Variants in ZNF704 observed in about 807,000 individuals in gnomAD.
The protein encoded by ZNF704 is zinc finger protein 704, also known as glucocorticoid induced gene 1.
A neutral mutation model predicts 44.7 loss-of-function variants in ZNF704; 10 were observed. The ratio of observed to expected loss-of-function variants is 0.22; its 90% CI spans 0.14 to 0.38. The LOEUF (loss-of-function observed/expected upper bound fraction) is 0.38. Among genes scored for constraint, ZNF704 ranks in the 10% least tolerant of loss-of-function variants. The pLI is 1.00. For synonymous variants in ZNF704, 211 were observed against 207.6 expected, an observed-to-expected ratio of 1.02 and a Z score of -0.14; for missense variants, 390 against 545.5, an observed-to-expected ratio of 0.71 and a Z score of 2.84.
At chr8:80,810,141 C>T (rs1226553772) in intron 2 of ZNF704, among the ~76,000 whole-genome samples, 2 of 152,112 alleles carry the variant, frequency 1.3e-5, no homozygotes, top group Non-Finnish European at 2.9e-5. Context: ...GTATACACTC[C>T]CTAGCTCCTC....
At chr8:80,649,643 A>G (rs1371103277) in intron 7 of ZNF704, among the ~76,000 whole-genome samples, 1 of 152,224 alleles carries the variant, frequency 6.6e-6, no homozygotes, top group Non-Finnish European at 1.5e-5. Context: ...CCGAGGCTTG[A>G]GTAGGTAAAC....
chr8:80,757,516 T>C (rs767830658), intron 2 of ZNF704, among the ~76,000 whole-genome samples: 27 of 152,010 alleles, frequency 1.8e-4, no homozygotes, highest in African/African-American at 2.4e-4. Context: ...AAGGTTAATA[T>C]ATTGCTGAAG....
chr8:80,794,727 T>C (rs933109918), intron 2 of ZNF704, among the ~76,000 whole-genome samples: 2 of 152,216 alleles, frequency 1.3e-5, no homozygotes, highest in Non-Finnish European at 2.9e-5. Context: ...CACAAAGCTG[T>C]GCCTGGGAAC....
At chr8:80,762,079 T>C (rs1807141393) in intron 2 of ZNF704, among the ~76,000 whole-genome samples, 1 of 152,206 alleles carries the variant, frequency 6.6e-6, no homozygotes, top group Non-Finnish European at 1.5e-5. Context: ...AATGTTGTGA[T>C]AATGCACTTT....
At chr8:80,852,835 T>A (rs551712884) in intron 1 of ZNF704, among the ~76,000 whole-genome samples, 1 of 152,292 alleles carries the variant, frequency 6.6e-6, no homozygotes, top group Admixed American at 6.5e-5. Context: ...GAAATAATAA[T>A]ATTTATGTTT....
intron 2 of ZNF704, among the ~76,000 whole-genome samples, chr8:80,707,864 A>C (rs543605001): frequency 6.6e-6 from 1 of 152,342 alleles, no homozygotes; most frequent in Admixed American, 6.5e-5. Context: ...CCTACCATGC[A>C]CAAAATATTG....
intron 7 of ZNF704, among the ~76,000 whole-genome samples, chr8:80,652,177 G>C (rs1344185620): frequency 2.6e-5 from 4 of 152,078 alleles, no homozygotes; most frequent in African/African-American, 4.8e-5. Context: ...AGTGTGTAGA[G>C]GGAAATTTAT....
intron 5 of ZNF704, among the ~76,000 whole-genome samples, chr8:80,665,370 C>T (rs1220497416): frequency 1.3e-5 from 2 of 152,138 alleles, no homozygotes; most frequent in Non-Finnish European, 2.9e-5. Flanking sequence ...CCTGATAACA[C>T]AGTGAATAAA....
chr8:80,648,129 G>C (rs1225199752), intron 7 of ZNF704, among the ~76,000 whole-genome samples: 1 of 152,126 alleles, frequency 6.6e-6, no homozygotes, highest in Non-Finnish European at 1.5e-5. Context: ...CCATTCATGA[G>C]AGTAGAGTCC....
chr8:80,735,897 G>A (rs1339507151), intron 2 of ZNF704, among the ~76,000 whole-genome samples: 1 of 152,160 alleles, frequency 6.6e-6, no homozygotes, highest in Non-Finnish European at 1.5e-5. Flanking sequence ...TGCAGCAAAT[G>A]TTGCTTTGGT....
the ZNF704 span, among the ~76,000 whole-genome samples, chr8:80,879,875 T>A: frequency 6.6e-6 from 1 of 152,184 alleles, no homozygotes; most frequent in Non-Finnish European, 1.5e-5. Context: ...GCTTTTTTCA[T>A]GCAAGACCCT....
chr8:80,725,853 A>G (rs1201551056), intron 2 of ZNF704, among the ~76,000 whole-genome samples: 1 of 152,218 alleles, frequency 6.6e-6, no homozygotes, highest in Non-Finnish European at 1.5e-5. Flanking sequence ...TTAAATATAT[A>G]CATTTAAGCA....
chr8:80,834,684 C>T (rs1808528992), intron 1 of ZNF704, among the ~76,000 whole-genome samples: 2 of 152,168 alleles, frequency 1.3e-5, no homozygotes, highest in Non-Finnish European at 2.9e-5. Flanking sequence ...CCTCCCCTTG[C>T]CACCACCTGC....
intron 1 of ZNF704, among the ~76,000 whole-genome samples, chr8:80,867,748 C>G (rs1809181064): frequency 6.6e-6 from 1 of 152,192 alleles, no homozygotes; most frequent in Non-Finnish European, 1.5e-5. Flanking sequence ...TTAAAGTCAT[C>G]TGATATTCAA....
chr8:80,662,233 A>G (rs1486989944), intron 6 of ZNF704, among the ~76,000 whole-genome samples: 2 of 152,200 alleles, frequency 1.3e-5, no homozygotes, highest in Non-Finnish European at 2.9e-5. Flanking sequence ...CAAAGTCTTG[A>G]AGTACATACA....
At chr8:80,747,793 T>C in intron 2 of ZNF704, among the ~76,000 whole-genome samples, 1 of 152,222 alleles carries the variant, frequency 6.6e-6, no homozygotes, top group Non-Finnish European at 1.5e-5. Flanking sequence ...CTCGGCTCAC[T>C]ACAACCTCCA....
Position 80,671,040 on chromosome 8 carries a change from T to C in ZNF704, c.559-437A>G, listed in dbSNP as rs188119081. On this transcript the variant is annotated intron_variant, in intron 4 of 8. Transcript: ENST00000327835. ...GTCAATGAACCAGCTACTGGCAAAGTTGAAATACGAATCCAGGGACTCTGG... is the reference window on the plus strand; with the variant it reads ...GTCAATGAACCAGCTACTGGCAAAGCTGAAATACGAATCCAGGGACTCTGG... Among the ~76,000 whole-genome samples, 971 of 152,314 alleles carry C rather than the reference T, an allele frequency of 6.4e-3. 7 individuals are homozygous for C. The highest frequency in any genetic ancestry group is 0.02 in the Middle Eastern group (6 of 294).
At chr8:80,875,683 A>G (rs1809346991), upstream of ZNF704, among the ~76,000 whole-genome samples, 1 of 152,200 alleles carries the variant, frequency 6.6e-6, no homozygotes, top group Non-Finnish European at 1.5e-5. Context: ...CTTACGCATC[A>G]AATACCCTGG....
intron 2 of ZNF704, among the ~76,000 whole-genome samples, chr8:80,737,774 T>A (rs1806690689): frequency 6.6e-6 from 1 of 152,112 alleles, no homozygotes; most frequent in East Asian, 1.9e-4. Context: ...CTTAACATGG[T>A]TTCATTTTTT....
Sources: gnomAD v4.1 joint callset for allele counts (sites outside exome capture counted in the v4.1 genomes callset) on GRCh38, gnomAD v4.1.1 for gene constraint, MANE v1.5 for transcripts, NCBI Gene and HGNC (gene_info 2026-07-23, HGNC 2026-07-21) for gene names.